PUS10: variants seen among roughly 807,000 people sequenced by gnomAD.
PUS10 encodes the protein tRNA pseudouridine synthase Pus10.
A neutral mutation model predicts 75.0 loss-of-function variants in PUS10; 59 were observed. That is an observed-to-expected ratio of 0.79 (90% confidence interval 0.64 to 0.98). The LOEUF is 0.98. PUS10 is among the 50% of genes least tolerant of loss of function. The pLI, the probability that PUS10 is intolerant of heterozygous loss-of-function variation, is 0.00. For missense variants in PUS10, 650 were observed against 614.4 expected, an observed-to-expected ratio of 1.06 and a Z score of -0.61; for synonymous variants, 219 against 211.6, an observed-to-expected ratio of 1.03 and a Z score of -0.30.
At chr2:60,943,036 G>GAGAA (rs1558849622) in intron 17 of PUS10, among the ~76,000 whole-genome samples, 1 of 78,414 alleles carries the variant, frequency 1.3e-5, no homozygotes. Context: ...ATCTATCTCA[G>GAGAA]AAAAAAAAAA....
intron 2 of PUS10, chr2:61,010,720 G>C: frequency 2.7e-6 from 4 of 1,498,048 alleles, no homozygotes; most frequent in Middle Eastern, 1.7e-4. Flanking sequence ...ATTTACAGAG[G>C]AGTAAACTGA....
rs151124462 is a variant in PUS10, at chr2:60,945,078, G to A, written c.1482C>T (p.Phe494=). The change falls in exon 17 of 18, where the codon TTC becomes TTT. Residue 494 remains phenylalanine (F), a synonymous_variant. Transcript: ENST00000316752. ...ACCCAATGTTTGGCTTGGTTCTCCC[G>A]AAGTCTCCATGTACAAACTCTTTAA... is the stretch of plus-strand genomic sequence containing the variant. The part of the protein sequence containing the change: ...TYIKEFVHGD[F]GRTKPNIGSL... The A allele has an allele frequency of 1.5e-5, 24 of 1,613,734 alleles. No homozygotes were observed. Among genetic ancestry groups the A allele is most frequent in the East Asian group, 4.5e-5 (2 of 44,886 alleles).
intron 4 of PUS10, among the ~76,000 whole-genome samples, chr2:60,995,523 A>G (rs993537714): frequency 2.8e-4 from 43 of 152,348 alleles, no homozygotes; most frequent in African/African-American, 1.0e-3. Flanking sequence ...GTTCTACGCA[A>G]CAAGAAAAAC....
intron 4 of PUS10, among the ~76,000 whole-genome samples, chr2:60,982,902 T>C (rs1456249003): frequency 1.3e-5 from 2 of 152,124 alleles, no homozygotes; most frequent in African/African-American, 4.8e-5. Context: ...CGATCATGAC[T>C]CACTGCAGCC....
At chr2:60,951,328 T>G (rs1265307676) in intron 15 of PUS10, among the ~76,000 whole-genome samples, 1 of 152,172 alleles carries the variant, frequency 6.6e-6, no homozygotes, top group Non-Finnish European at 1.5e-5. Flanking sequence ...GGGATGGTTT[T>G]GGGATGATTC....
chr2:60,948,086 C>G lies in PUS10; in HGVS notation c.1408G>C (p.Asp470His). ...VIHFMETQYV[D>H]EHHFRLHLKT... ...AAGTGGAGGCGGAAGTGGTGCTCAT[C>G]CACGTACTGTGTCTCCATGAAGTGA... The change falls in exon 16 of 18, where the codon GAT becomes CAT. Residue 470 changes from aspartate (D) to histidine (H), a missense_variant. Transcript: ENST00000316752. The G allele has an allele frequency of 1.2e-6, 2 of 1,614,116 alleles. No individual in the cohort carries two copies. The highest frequency in any genetic ancestry group is 1.7e-6 in the Non-Finnish European group (2 of 1,180,022).
Position 60,971,591 on chromosome 2 carries a change from A to C in PUS10, c.469-34T>G, listed in dbSNP as rs776529683. The C allele has an allele frequency of 2.5e-6, 4 of 1,604,260 alleles. No homozygotes were observed. In the South Asian group the frequency reaches 4.4e-5, roughly 18 times the overall value. ...AATTTAGTCACACCCAGAAAGAGAAAAGGGGGAAACATGTTCAGTGAAATT... is the reference window on the plus strand; with the variant it reads ...AATTTAGTCACACCCAGAAAGAGAACAGGGGGAAACATGTTCAGTGAAATT... On this transcript the variant is annotated intron_variant, in intron 4 of 17. Coordinates refer to ENST00000316752, the MANE Select transcript of PUS10 (RefSeq NM_144709.4).
chr2:60,988,055 C>T (rs1387311378), intron 4 of PUS10, among the ~76,000 whole-genome samples: 1 of 152,008 alleles, frequency 6.6e-6, no homozygotes, highest in Admixed American at 6.6e-5. Context: ...TACCACTGCA[C>T]TCCAGCCTGG....
rs72889024 is a variant in PUS10, at chr2:60,955,517, T to C, written c.1001-443A>G. ...GCTAATTTTTAAATTTTTGTAGAGATGAGGTCTTGCTTTGTTGCCCAGACT... is the reference window on the plus strand; with the variant it reads ...GCTAATTTTTAAATTTTTGTAGAGACGAGGTCTTGCTTTGTTGCCCAGACT... On this transcript the variant is annotated intron_variant, in intron 11 of 17. Transcript: ENST00000316752. 3.8e-3 allele frequency among the ~76,000 whole-genome samples: 572 copies of C among 152,120 alleles called. 2 individuals carry two copies. The highest frequency in any genetic ancestry group is 0.013 in the African/African-American group (532 of 41,514).
chr2:60,944,466 A>G (rs1440362491), intron 17 of PUS10, among the ~76,000 whole-genome samples: 1 of 152,044 alleles, frequency 6.6e-6, no homozygotes. Flanking sequence ...TCATGAAGAA[A>G]CACCACTCGT....
intron 17 of PUS10, chr2:60,944,083 G>A (rs556323756): frequency 1.8e-4 from 43 of 234,058 alleles, no homozygotes; most frequent in African/African-American, 3.8e-4. Context: ...ACCCGTGATC[G>A]CACCACTGCA....
intron 4 of PUS10, among the ~76,000 whole-genome samples, chr2:60,972,239 G>C (rs999157635): frequency 3.9e-4 from 58 of 148,672 alleles, no homozygotes; most frequent in Non-Finnish European, 6.3e-4. Context: ...CGAGGTGGGC[G>C]GATCACGACG....
At chr2:61,015,607 G>A (rs1679918196) in intron 1 of PUS10, among the ~76,000 whole-genome samples, 1 of 152,178 alleles carries the variant, frequency 6.6e-6, no homozygotes, top group African/African-American at 2.4e-5. Context: ...GCTGAGGCAG[G>A]AGAATCGCCC....
At chr2:61,014,944 T>C (rs1328643039) in intron 1 of PUS10, among the ~76,000 whole-genome samples, 2 of 152,150 alleles carry the variant, frequency 1.3e-5, no homozygotes, top group South Asian at 2.1e-4. Flanking sequence ...TATAGTTACA[T>C]AGAACTCTTC....
chr2:60,952,720 C>G (rs12986959), intron 15 of PUS10, among the ~76,000 whole-genome samples: 8,943 of 152,188 alleles, frequency 0.059, 328 homozygotes, highest in Middle Eastern at 0.11. Context: ...GTAACTTGTC[C>G]AAAGTCACAC....
chr2:60,946,223 T>C (rs1022814386), intron 16 of PUS10, among the ~76,000 whole-genome samples: 2 of 152,230 alleles, frequency 1.3e-5, no homozygotes, highest in African/African-American at 4.8e-5. Context: ...CCAGAGAGGT[T>C]CTTATTCCTA....
At chr2:60,980,962 T>C (rs1357786879) in intron 4 of PUS10, among the ~76,000 whole-genome samples, 1 of 151,486 alleles carries the variant, frequency 6.6e-6, no homozygotes, top group Non-Finnish European at 1.5e-5. Flanking sequence ...CACAATCTCG[T>C]CTCACTGCAA....
intron 4 of PUS10, among the ~76,000 whole-genome samples, chr2:61,002,067 A>G (rs1304215696): frequency 1.3e-5 from 2 of 152,158 alleles, no homozygotes; most frequent in Admixed American, 6.5e-5. Flanking sequence ...TTCCCCCACC[A>G]TCCTTTAGGA....
rs535361021 is a variant in PUS10, at chr2:61,016,513, G to GT, written c.-16+1494dup. Among the ~76,000 whole-genome samples, 37 of 152,284 alleles carry GT rather than the reference G, an allele frequency of 2.4e-4. No individual in the cohort carries two copies. In the South Asian group the frequency reaches 7.3e-3, roughly 30 times the overall value. On this transcript the variant is annotated intron_variant, in intron 1 of 17. Transcript: ENST00000316752. The stretch of plus-strand genomic sequence containing the variant: ...AGCCCTGAGAAAGGCATTCCACAAT[G>GT]TAAGTTTTCCAGTGTTGGTTACCCT...
Sources: allele counts gnomAD v4.1 joint callset (sites outside exome capture counted in the v4.1 genomes callset), GRCh38; gene constraint gnomAD v4.1.1; transcripts MANE v1.5; gene names NCBI Gene and HGNC (gene_info 2026-07-23, HGNC 2026-07-21).